Variants in TTC39B observed in about 807,000 individuals in gnomAD.
The protein encoded by TTC39B is tetratricopeptide repeat domain 39B.
A neutral mutation model predicts 96.6 loss-of-function variants in TTC39B; 92 were observed. The observed-to-expected ratio is 0.95, with a 90% CI of 0.80 to 1.13. The LOEUF (loss-of-function observed/expected upper bound fraction) is 1.13. Ranked by LOEUF, TTC39B falls within the 50% of genes most tolerant of loss-of-function variation. The pLI is 0.00. For missense variants in TTC39B, 955 were observed against 809.3 expected (o/e 1.18, Z -2.18); for synonymous variants, 367 against 299.4 (o/e 1.23, Z -2.33).
chr9:15,273,289 T>A (rs1321985235), intron 1 of TTC39B, among the ~76,000 whole-genome samples: 1 of 152,204 alleles, frequency 6.6e-6, no homozygotes, highest in African/African-American at 2.4e-5. Flanking sequence ...ATTTACAAAT[T>A]TTTCAGGCCT....
intron 3 of TTC39B, among the ~76,000 whole-genome samples, chr9:15,220,917 C>G (rs1020154649): frequency 3.3e-5 from 5 of 152,184 alleles, no homozygotes; most frequent in African/African-American, 1.2e-4. Flanking sequence ...ATTTTGGAAG[C>G]TAAGCAAGGT....
intron 14 of TTC39B, among the ~76,000 whole-genome samples, chr9:15,187,616 T>C (rs1224928159): frequency 6.6e-6 from 1 of 152,216 alleles, no homozygotes; most frequent in Non-Finnish European, 1.5e-5. Context: ...TGTACCACCA[T>C]GCCTAGCTAA....
At chr9:15,189,662 TC>T (rs765714588) in intron 12 of TTC39B, 29 bp from the exon 13 acceptor site, 46 of 1,613,962 alleles carry the variant, frequency 2.9e-5, no homozygotes, top group African/African-American at 4.0e-5. Context: ...AACACACTGT[TC>T]AACAGTCAAC....
intron 1 of TTC39B, among the ~76,000 whole-genome samples, chr9:15,289,353 C>T (rs955344018): frequency 1.4e-4 from 22 of 152,148 alleles, no homozygotes; most frequent in Non-Finnish European, 1.9e-4. Context: ...TATGAATGTA[C>T]TTACAAAAAG....
intron 1 of TTC39B, among the ~76,000 whole-genome samples, chr9:15,294,821 C>T (rs1824312940): frequency 6.6e-6 from 1 of 152,218 alleles, no homozygotes; most frequent in Non-Finnish European, 1.5e-5. Context: ...GCAGCCTTGA[C>T]AATGCCACAA....
Position 15,225,936 on chromosome 9 carries a change from C to T in TTC39B, c.352G>A (p.Gly118Arg), listed in dbSNP as rs762076858. The change falls in exon 3 of 20, where the codon GGA (glycine) becomes AGA (arginine). Residue 118 changes from glycine (G) to arginine (R), a missense_variant. Physicochemically the swap from Gly to Arg is moderately radical, Grantham distance 125. Coordinates refer to ENST00000512701, the Ensembl canonical transcript of TTC39B. ...CCTGACCTGCTGACAGTAGACGCTCCGCGCTGTCTGGGCGCCTGTTGTGTA... is the reference window on the plus strand; with the variant it reads ...CCTGACCTGCTGACAGTAGACGCTCTGCGCTGTCTGGGCGCCTGTTGTGTA... The T allele has an allele frequency of 6.8e-6, 11 of 1,613,884 alleles. No homozygotes were observed. Among genetic ancestry groups the T allele is most frequent in the South Asian group, 2.2e-5 (2 of 91,062 alleles).
intron 1 of TTC39B, among the ~76,000 whole-genome samples, chr9:15,283,996 C>T (rs1445366797): frequency 6.6e-6 from 1 of 152,108 alleles, no homozygotes. Context: ...AAATTTTAAA[C>T]TTCTAAGACA....
At chr9:15,274,623 A>C (rs1482813113) in intron 1 of TTC39B, among the ~76,000 whole-genome samples, 2 of 152,186 alleles carry the variant, frequency 1.3e-5, no homozygotes, top group Non-Finnish European at 2.9e-5. Context: ...CACATTAGAC[A>C]CACTCACATT....
intron 6 of TTC39B, among the ~76,000 whole-genome samples, chr9:15,209,049 T>C (rs554109259): frequency 3.3e-5 from 5 of 152,372 alleles, no homozygotes; most frequent in Admixed American, 6.5e-5. Context: ...TAGTATGGTA[T>C]ATTCTAGTAT....
intron 1 of TTC39B, among the ~76,000 whole-genome samples, chr9:15,272,399 C>T (rs74415299): frequency 5.3e-5 from 8 of 152,292 alleles, no homozygotes; most frequent in Middle Eastern, 3.4e-3. Flanking sequence ...AACACGCACA[C>T]TCAGAGGAGC....
chr9:15,210,234 G>C (rs1052980694), intron 5 of TTC39B, 70 bp from the exon 6 acceptor site: 1 of 1,076,034 alleles, frequency 9.3e-7, no homozygotes, highest in Non-Finnish European at 1.4e-6. Flanking sequence ...ATTTTCATTT[G>C]ACGTTCATTT....
intron 13 of TTC39B, among the ~76,000 whole-genome samples, chr9:15,189,329 C>T (rs1308952562): frequency 2.0e-5 from 3 of 152,070 alleles, no homozygotes; most frequent in South Asian, 2.1e-4. Flanking sequence ...ATATATTACC[C>T]TAAAGTGCTT....
At chr9:15,248,932 T>A (rs1822406307) in intron 2 of TTC39B, 1 of 152,214 alleles carries the variant, frequency 6.6e-6, no homozygotes, top group Non-Finnish European at 1.5e-5. Context: ...CAGTTGGTGT[T>A]TAAAAGTATT....
At chr9:15,197,985 A>T (rs890822230) in intron 8 of TTC39B, among the ~76,000 whole-genome samples, 8 of 152,222 alleles carry the variant, frequency 5.3e-5, no homozygotes, top group African/African-American at 1.7e-4. Context: ...AAGAAATGCT[A>T]AAGGAAGTTC....
exon 20 of TTC39B, chr9:15,165,468 G>A (rs1036244363): frequency 2.0e-5 from 3 of 152,208 alleles, no homozygotes; most frequent in Non-Finnish European, 2.9e-5. Context: ...AAAGCAAAGA[G>A]TGTCATACCT....
chr9:15,274,057 C>A (rs1823452410), intron 1 of TTC39B, among the ~76,000 whole-genome samples: 1 of 152,150 alleles, frequency 6.6e-6, no homozygotes, highest in South Asian at 2.1e-4. Flanking sequence ...TTGAATTTCT[C>A]TCATAAAGAG....
At chr9:15,191,807 CA>C (rs781300846) in intron 9 of TTC39B, among the ~76,000 whole-genome samples, 6 of 152,076 alleles carry the variant, frequency 3.9e-5, no homozygotes, top group Admixed American at 6.5e-5. Flanking sequence ...GGGATGTAGA[CA>C]ATGGTTTGGT....
chr9:15,250,245 T>C, intron 2 of TTC39B: 1 of 1,096,542 alleles, frequency 9.1e-7, no homozygotes, highest in Non-Finnish European at 1.1e-6. Context: ...GGAGATTTTT[T>C]TTCCCCCAAT....
intron 2 of TTC39B, among the ~76,000 whole-genome samples, chr9:15,229,199 T>A (rs1447540763): frequency 2.6e-5 from 4 of 152,238 alleles, no homozygotes; most frequent in African/African-American, 9.6e-5. Flanking sequence ...CTAGAATCCA[T>A]TTTTGTGTAC....
Sources: gnomAD v4.1 joint callset for allele counts (sites outside exome capture counted in the v4.1 genomes callset) on GRCh38, gnomAD v4.1.1 for gene constraint, MANE v1.5 for transcripts, NCBI Gene and HGNC (gene_info 2026-07-23, HGNC 2026-07-21) for gene names.